Variants in TRMT2B observed in about 807,000 individuals in gnomAD.
TRMT2B encodes tRNA methyltransferase 2B, also known as tRNA (uracil-5-)-methyltransferase homolog B.
TRMT2B carries 34 observed loss-of-function variants against 39.7 expected under a neutral mutation model. That is an observed-to-expected ratio of 0.86 (90% CI 0.65 to 1.14). The LOEUF is 1.14. Among genes scored for constraint, TRMT2B ranks in the 50% most tolerant of loss-of-function variants. The probability of loss-of-function intolerance (pLI) is 0.00; values close to 1 mark genes in which losing one functional copy is unlikely to be tolerated. For missense variants in TRMT2B, 318 were observed against 377.2 expected (o/e 0.84, Z 1.30); for synonymous variants, 132 against 137.3 (o/e 0.96, Z 0.27).
chrX:101,027,829 G>A (rs1343258075), intron 7 of TRMT2B, among the ~76,000 whole-genome samples: 1 of 110,805 alleles, frequency 9.0e-6, no homozygotes, highest in South Asian at 3.8e-4. Flanking sequence ...GACCAAAACT[G>A]AACTACTCAT....
intron 2 of TRMT2B, among the ~76,000 whole-genome samples, chrX:101,044,334 G>C (rs1381212393): frequency 8.9e-6 from 1 of 111,819 alleles, no homozygotes; most frequent in East Asian, 2.8e-4. Context: ...GAAATGTGTA[G>C]CACGTAAGTA....
At chrX:101,019,133 T>C (rs1443790319) in intron 12 of TRMT2B, 63 bp from the exon 13 acceptor site, 17 of 1,110,876 alleles carry the variant, frequency 1.5e-5, no homozygotes, top group African/African-American at 1.8e-5. Flanking sequence ...TATCACAAAC[T>C]TCCAACTGAC....
the TRMT2B span, among the ~76,000 whole-genome samples, chrX:101,000,121 A>T: frequency 1.0e-5 from 1 of 95,866 alleles, no homozygotes; most frequent in African/African-American, 3.9e-5. Flanking sequence ...ATGAGAGTTA[A>T]TTTTTTTTTT....
Position 101,023,512 on chromosome X carries a change from G to A in TRMT2B, c.714C>T (p.His238=). 1 of 1,209,906 alleles carries A rather than the reference G, an allele frequency of 8.3e-7. No individual in the cohort carries two copies. The change falls in exon 8 of 14, where the codon CAC becomes CAT. Residue 238 remains histidine (H), a synonymous_variant. Coordinates refer to ENST00000372936, the MANE Select transcript of TRMT2B (RefSeq NM_024917.6). The stretch of plus-strand genomic sequence containing the variant: ...GATGGAAAGTGATGATAGCCATTGT[G>A]TGCCCTTGGCTATTGGTGCGGACTG... ...ELTVRTNSQG[H]TMAIITFHPQ...
the TRMT2B span, among the ~76,000 whole-genome samples, chrX:101,003,300 T>C: frequency 0.2 from 21,334 of 108,067 alleles, 1,724 homozygotes; most frequent in Middle Eastern, 0.24. Context: ...AGGGAAGAGG[T>C]TATTGGGAAA....
chrX:100,989,170 G>A, the TRMT2B span, among the ~76,000 whole-genome samples: 1 of 110,763 alleles, frequency 9.0e-6, no homozygotes, highest in Non-Finnish European at 1.9e-5. Context: ...TTTTGTTAGG[G>A]AAAATAGCAA....
chrX:100,976,349 C>T, the TRMT2B span, among the ~76,000 whole-genome samples: 1 of 111,049 alleles, frequency 9.0e-6, no homozygotes, highest in African/African-American at 3.3e-5. Context: ...TCCTAGAGGA[C>T]ACTGCCTAGA....
At chrX:101,030,158 G>A (rs750796665) in intron 7 of TRMT2B, among the ~76,000 whole-genome samples, 1 of 111,300 alleles carries the variant, frequency 9.0e-6, no homozygotes, top group East Asian at 2.8e-4. Context: ...TACTTGGGAG[G>A]CTAAGGCATG....
the TRMT2B span, among the ~76,000 whole-genome samples, chrX:100,981,990 C>T: frequency 9.1e-6 from 1 of 109,881 alleles, no homozygotes; most frequent in East Asian, 2.9e-4. Flanking sequence ...TTATTATTGA[C>T]CATTCACTAA....
At chrX:100,995,468 T>C in the TRMT2B span, among the ~76,000 whole-genome samples, 3 of 111,956 alleles carry the variant, frequency 2.7e-5, no homozygotes, top group South Asian at 1.1e-3. Context: ...GGAATGTACT[T>C]CCACCCCTGT....
chrX:101,013,241 AC>A, intron 13 of TRMT2B, among the ~76,000 whole-genome samples: 1 of 112,045 alleles, frequency 8.9e-6, no homozygotes, highest in African/African-American at 3.2e-5. Context: ...CAAATACATG[AC>A]AAAAATATTC....
At chrX:101,002,779 CAA>C in the TRMT2B span, among the ~76,000 whole-genome samples, 32 of 61,822 alleles carry the variant, frequency 5.2e-4, no homozygotes, top group Admixed American at 8.5e-4. Context: ...AACTCTGTCT[CAA>C]AAAAAAAAAA....
Position 101,037,033 on chromosome X carries a change from A to C in TRMT2B, c.479T>G (p.Val160Gly). The C allele has an allele frequency of 8.3e-7, 1 of 1,211,568 alleles. No individual in the cohort carries two copies. The highest frequency in any genetic ancestry group is 1.8e-5 in the South Asian group (1 of 56,983). Residue 160 changes from valine to glycine, a missense_variant, in exon 6 of 14, where the codon GTG becomes GGG. Physicochemically the swap from Val to Gly is moderately radical, Grantham distance 109. Coordinates refer to ENST00000372936, the MANE Select transcript of TRMT2B (RefSeq NM_024917.6). ...NGYRNKSTFS[V>G]NRGPDGNPKT... is the part of the protein sequence containing the mutation. The stretch of plus-strand genomic sequence containing the variant: ...TGGATTGCCATCTGGACCTCGGTTC[A>C]CAGAGAAGGTGGACTTATTTCGGTA...
chrX:101,004,737 G>A (rs2086089286), downstream of TRMT2B, among the ~76,000 whole-genome samples: 1 of 110,948 alleles, frequency 9.0e-6, no homozygotes, highest in Non-Finnish European at 1.9e-5. Context: ...CCGATCTCAG[G>A]TGATCTGCCC....
At chrX:100,973,664 T>C in the TRMT2B span, 3 of 1,204,583 alleles carry the variant, frequency 2.5e-6, no homozygotes, top group Non-Finnish European at 3.4e-6. Flanking sequence ...CTTTCTTCTC[T>C]TAATATTTAA....
intron 2 of TRMT2B, among the ~76,000 whole-genome samples, chrX:101,050,003 A>G (rs2088959902): frequency 9.0e-6 from 1 of 111,539 alleles, no homozygotes; most frequent in African/African-American, 3.3e-5. Flanking sequence ...GAAAGTCAGG[A>G]GGAAGGAAAC....
intron 7 of TRMT2B, among the ~76,000 whole-genome samples, chrX:101,029,265 T>C (rs1205999050): frequency 9.0e-6 from 1 of 111,018 alleles, no homozygotes; most frequent in Non-Finnish European, 1.9e-5. Context: ...AAGTCCTTAT[T>C]CCAGGGTTTC....
At position 101,010,445 on chromosome X, in the gene TRMT2B, G is replaced by T; in HGVS notation, c.*136C>A. On this transcript the variant is annotated 3_prime_UTR_variant, in exon 14 of 14. Coordinates refer to ENST00000372936, the MANE Select transcript of TRMT2B (RefSeq NM_024917.6). ...TCTGCCTCAGACCAGAGGCCTAATA[G>T]ATTCTTCCTATTCACAAACCAAAGA... The T allele has an allele frequency of 1.3e-6, 1 of 769,626 alleles. No homozygotes were observed. Among genetic ancestry groups the T allele is most frequent in the Non-Finnish European group, 1.9e-6 (1 of 527,046 alleles). 63.4% of individuals were successfully genotyped at this position (769,626 alleles called of 1,213,427 possible).
intron 6 of TRMT2B, among the ~76,000 whole-genome samples, chrX:101,035,934 C>T (rs1458946538): frequency 9.0e-6 from 1 of 111,615 alleles, no homozygotes; most frequent in Non-Finnish European, 1.9e-5. Context: ...GTTTTCTGTT[C>T]AGATTTTAAG....
Sources: gnomAD v4.1 joint callset for allele counts (sites outside exome capture counted in the v4.1 genomes callset) on GRCh38, gnomAD v4.1.1 for gene constraint, MANE v1.5 for transcripts, NCBI Gene and HGNC (gene_info 2026-07-23, HGNC 2026-07-21) for gene names.